Variants in EPHA7 observed in about 807,000 individuals in gnomAD.
EPHA7 encodes the protein ephrin type-A receptor 7.
EPHA7 carries 25 observed loss-of-function variants against 112.6 expected under a neutral mutation model. The observed-to-expected ratio is 0.22, with a 90% CI of 0.16 to 0.31. EPHA7 has a LOEUF of 0.31. Ranked by LOEUF, EPHA7 falls within the 10% of genes least tolerant of loss-of-function variation. The probability of loss-of-function intolerance (pLI) is 1.00; values close to 1 mark genes in which losing one functional copy is unlikely to be tolerated. For missense variants in EPHA7, 962 were observed against 1,212.6 expected, an observed-to-expected ratio of 0.79 and a Z score of 3.07; for synonymous variants, 437 against 406.5, an observed-to-expected ratio of 1.07 and a Z score of -0.90.
rs1201860516 is a variant in EPHA7, at chr6:93,242,120, TA to T, written c.*1305del. 1 of 197,312 alleles carries T rather than the reference TA, an allele frequency of 5.1e-6. No homozygotes were observed. The highest frequency in any genetic ancestry group is 2.3e-5 in the African/African-American group (1 of 43,370). The allele number at this position is 197,312 out of a possible 1,614,324, so 12.2% of individuals were successfully genotyped here. A position where few individuals can be genotyped will look rare whatever the true frequency, so the allele number is the denominator to read the frequency against. On this transcript the variant is annotated 3_prime_UTR_variant, in exon 17 of 17. Transcript: ENST00000369303. Reference sequence around the variant, plus strand: ...CATTTAATTATTGCTTATGAAATTCTAACACAGTAATCAAATAATATGGTTT... The same window carrying T: ...CATTTAATTATTGCTTATGAAATTCTACACAGTAATCAAATAATATGGTTT...
intron 14 of EPHA7, among the ~76,000 whole-genome samples, chr6:93,249,165 T>C (rs1168824945): frequency 6.6e-6 from 1 of 152,160 alleles, no homozygotes; most frequent in African/African-American, 2.4e-5. Flanking sequence ...ATTACAAATG[T>C]TGCATATCAC....
intron 5 of EPHA7, among the ~76,000 whole-genome samples, chr6:93,307,783 C>T (rs1187549097): frequency 6.6e-5 from 10 of 152,198 alleles, no homozygotes; most frequent in Non-Finnish European, 1.3e-4. Flanking sequence ...ATGTACTGTC[C>T]TCTTCATTTT....
chr6:93,250,969 C>G (rs939777006), intron 14 of EPHA7, among the ~76,000 whole-genome samples: 1 of 152,088 alleles, frequency 6.6e-6, no homozygotes, highest in Admixed American at 6.6e-5. Context: ...CATATTATTA[C>G]AGTATGACCA....
chr6:93,359,076 A>G (rs1237305605), intron 3 of EPHA7, among the ~76,000 whole-genome samples: 1 of 152,158 alleles, frequency 6.6e-6, no homozygotes, highest in Non-Finnish European at 1.5e-5. Flanking sequence ...CACCACCAGA[A>G]ACAAGGGGAA....
At chr6:93,375,843 A>T (rs1302850935) in intron 3 of EPHA7, among the ~76,000 whole-genome samples, 1 of 152,174 alleles carries the variant, frequency 6.6e-6, no homozygotes, top group East Asian at 1.9e-4. Flanking sequence ...GAATCTGACA[A>T]TTTTTCTTCT....
At position 93,242,254 on chromosome 6, in the gene EPHA7, TTTTTG is replaced by T. The variant is rs199733455; in HGVS notation, c.*1167_*1171del. 5.1e-3 allele frequency: 1,020 copies of T among 200,566 alleles called. 11 individuals are homozygous for T. Among genetic ancestry groups the T allele is most frequent in the African/African-American group, 0.021 (908 of 43,652 alleles). The allele number at this position is 200,566 out of a possible 1,614,324, so 12.4% of individuals were successfully genotyped here. A position where few individuals can be genotyped will look rare whatever the true frequency, so the allele number is the denominator to read the frequency against. On this transcript the variant is annotated 3_prime_UTR_variant, in exon 17 of 17. Coordinates refer to ENST00000369303, the MANE Select transcript of EPHA7 (RefSeq NM_004440.4). ...GCATCAGTGTTCACAAACAAAAGAC[TTTTTG>T]TTTTGTTTTGTTTTGAACTGCAATG...
At chr6:93,323,419 A>G (rs1774172469) in intron 5 of EPHA7, among the ~76,000 whole-genome samples, 2 of 151,580 alleles carry the variant, frequency 1.3e-5, no homozygotes, top group South Asian at 4.1e-4. Context: ...CTTACAGTTT[A>G]GCTCAAGAAA....
intron 5 of EPHA7, among the ~76,000 whole-genome samples, chr6:93,304,041 A>G (rs1773127164): frequency 6.6e-6 from 1 of 152,042 alleles, no homozygotes; most frequent in African/African-American, 2.4e-5. Flanking sequence ...CACTGCACTC[A>G]AACGAAGAGG....
intron 5 of EPHA7, among the ~76,000 whole-genome samples, chr6:93,310,493 C>T (rs748408027): frequency 1.3e-5 from 2 of 151,994 alleles, no homozygotes; most frequent in African/African-American, 2.4e-5. Flanking sequence ...GGTGAAATTG[C>T]GTCTCTATTA....
At position 93,419,353 on chromosome 6, in the gene EPHA7, A is replaced by G; in HGVS notation, c.-12T>C. 1 of 1,602,858 alleles carries G rather than the reference A, an allele frequency of 6.2e-7. No individual in the cohort carries two copies. The highest frequency in any genetic ancestry group is 1.1e-5 in the South Asian group (1 of 90,448). Reference sequence around the variant, plus strand: ...GTTTGAAAAACCATGGTGCATGAGCAGGTTTTATTTTAGGTTTCAGTTATC... The same window carrying G: ...GTTTGAAAAACCATGGTGCATGAGCGGGTTTTATTTTAGGTTTCAGTTATC... On this transcript the variant is annotated 5_prime_UTR_variant, in exon 1 of 17. Transcript: ENST00000369303.
chr6:93,370,403 C>T (rs1164030231), intron 3 of EPHA7, among the ~76,000 whole-genome samples: 3 of 151,992 alleles, frequency 2.0e-5, no homozygotes, highest in South Asian at 4.2e-4. Flanking sequence ...GTACACAATA[C>T]TTTCATTTCT....
chr6:93,395,575 T>TCACACACACACACA (rs4053540), intron 3 of EPHA7, among the ~76,000 whole-genome samples: 22 of 145,440 alleles, frequency 1.5e-4, no homozygotes, highest in African/African-American at 5.1e-4. Context: ...TTTACTTATT[T>TCACACACACACACA]CACACACACA....
chr6:93,274,038 AC>A (rs775536482), intron 5 of EPHA7, among the ~76,000 whole-genome samples: 11 of 152,012 alleles, frequency 7.2e-5, no homozygotes, highest in African/African-American at 9.7e-5. Flanking sequence ...AGGTGAGAAT[AC>A]TGCAATGGTT....
At chr6:93,297,145 T>C (rs1403790284) in intron 5 of EPHA7, among the ~76,000 whole-genome samples, 3 of 152,160 alleles carry the variant, frequency 2.0e-5, no homozygotes, top group East Asian at 1.9e-4. Context: ...CTCAACTGCA[T>C]ACTGCAGACT....
At chr6:93,331,705 C>T (rs1347525241) in intron 5 of EPHA7, among the ~76,000 whole-genome samples, 1 of 151,668 alleles carries the variant, frequency 6.6e-6, no homozygotes, top group South Asian at 2.1e-4. Context: ...CCAATAACTT[C>T]CCCATGTAAT....
intron 3 of EPHA7, among the ~76,000 whole-genome samples, chr6:93,377,980 A>C (rs1777145885): frequency 6.6e-6 from 1 of 152,118 alleles, no homozygotes; most frequent in Non-Finnish European, 1.5e-5. Flanking sequence ...AGTTTGTAGA[A>C]AGCCAATAAT....
At chr6:93,377,858 C>T (rs979990947) in intron 3 of EPHA7, among the ~76,000 whole-genome samples, 7 of 152,208 alleles carry the variant, frequency 4.6e-5, no homozygotes, top group South Asian at 2.1e-4. Context: ...TTCAGTCATT[C>T]GCTAATTCAT....
chr6:93,384,970 A>G (rs1156854752), intron 3 of EPHA7, among the ~76,000 whole-genome samples: 1 of 152,182 alleles, frequency 6.6e-6, no homozygotes, highest in Non-Finnish European at 1.5e-5. Flanking sequence ...AAACACAAAT[A>G]TGTGTGTAAT....
intron 6 of EPHA7, among the ~76,000 whole-genome samples, chr6:93,271,523 A>T (rs1771217329): frequency 6.6e-6 from 1 of 151,926 alleles, no homozygotes; most frequent in Non-Finnish European, 1.5e-5. Flanking sequence ...CAAACCTTGC[A>T]CTGAGTCTGT....
Sources: gnomAD v4.1 joint callset for allele counts (sites outside exome capture counted in the v4.1 genomes callset) on GRCh38, gnomAD v4.1.1 for gene constraint, MANE v1.5 for transcripts, NCBI Gene and HGNC (gene_info 2026-07-23, HGNC 2026-07-21) for gene names.